Variants in GRK4 observed in about 807,000 individuals in gnomAD.
GRK4 encodes the protein G protein-coupled receptor kinase 4.
GRK4 carries 73 observed loss-of-function variants against 77.9 expected under a neutral mutation model. The observed-to-expected ratio is 0.94, with a 90% confidence interval of 0.78 to 1.14. The LOEUF is 1.14. Among genes scored for constraint, GRK4 ranks in the 50% most tolerant of loss-of-function variants. The probability of loss-of-function intolerance (pLI) is 0.00; values close to 1 mark genes in which losing one functional copy is unlikely to be tolerated. For synonymous variants in GRK4, 257 were observed against 254.4 expected (o/e 1.01, Z -0.10); for missense variants, 729 against 700.2 (o/e 1.04, Z -0.46).
Position 2,964,106 on chromosome 4 carries a change from G to A in GRK4, c.36G>A (p.Leu12=), listed in dbSNP as rs1716578839. 1 of 1,606,476 alleles carries A rather than the reference G, an allele frequency of 6.2e-7. No homozygotes were observed. Among genetic ancestry groups the A allele is most frequent in the Non-Finnish European group, 8.5e-7 (1 of 1,178,372 alleles). ...ELENIVANSL[L]LKARQGGYGK... Reference sequence around the variant, plus strand: ...AGAACATCGTGGCCAACTCGCTGCTGCTGAAAGCGCGTCAAGGTGGGTGCG... The same window carrying A: ...AGAACATCGTGGCCAACTCGCTGCTACTGAAAGCGCGTCAAGGTGGGTGCG... The change falls in exon 1 of 16, where the codon CTG becomes CTA. Residue 12 remains leucine, a synonymous_variant. Transcript: ENST00000398052.
chr4:3,018,232 A>G (rs903350518), intron 8 of GRK4, among the ~76,000 whole-genome samples: 1 of 152,090 alleles, frequency 6.6e-6, no homozygotes, highest in African/African-American at 2.4e-5. Flanking sequence ...TTTTCGAACA[A>G]CATCATTGTA....
At chr4:3,032,634 AGGGCCAGGT>A in intron 12 of GRK4, among the ~76,000 whole-genome samples, 1 of 152,276 alleles carries the variant, frequency 6.6e-6, no homozygotes, top group Non-Finnish European at 1.5e-5. Context: ...CTTTGAAGTT[AGGGCCAGGT>A]GAGTCTCAGC....
At chr4:3,017,293 T>C (rs546784981) in intron 8 of GRK4, among the ~76,000 whole-genome samples, 1 of 152,244 alleles carries the variant, frequency 6.6e-6, no homozygotes, top group Non-Finnish European at 1.5e-5. Context: ...TTGCCCTTGG[T>C]CTCCCTCCCC....
chr4:2,972,060 C>T (rs1447035097), intron 1 of GRK4, among the ~76,000 whole-genome samples: 2 of 152,158 alleles, frequency 1.3e-5, no homozygotes, highest in Admixed American at 6.5e-5. Context: ...TAGGATGGGA[C>T]GAATTCAACC....
intron 10 of GRK4, among the ~76,000 whole-genome samples, chr4:3,023,588 T>G (rs934607414): frequency 6.6e-6 from 1 of 152,194 alleles, no homozygotes; most frequent in Non-Finnish European, 1.5e-5. Context: ...GAATTCTCAT[T>G]TAATGGAAGG....
chr4:2,984,468 A>C, intron 1 of GRK4, 45 bp from the exon 2 acceptor site: 1 of 1,071,888 alleles, frequency 9.3e-7, no homozygotes. Flanking sequence ...ATAATTGGAT[A>C]TTTCTGACTG....
At chr4:2,984,676 T>C (rs564652391) in intron 2 of GRK4, 68 bp downstream of exon 2, 1 of 741,282 alleles carries the variant, frequency 1.3e-6, no homozygotes, top group East Asian at 3.0e-5. Flanking sequence ...TAGATGTTAT[T>C]CTTTCTTGAG....
At chr4:3,015,413 C>T (rs111905528) in intron 8 of GRK4, among the ~76,000 whole-genome samples, 12 of 152,168 alleles carry the variant, frequency 7.9e-5, no homozygotes, top group African/African-American at 2.9e-4. Context: ...GGGCCGGGCG[C>T]GGTGGCTCAC....
chr4:2,981,733 G>A (rs926493867), intron 1 of GRK4, among the ~76,000 whole-genome samples: 4 of 152,240 alleles, frequency 2.6e-5, no homozygotes, highest in Non-Finnish European at 5.9e-5. Flanking sequence ...CCGGCTGTCA[G>A]GCTTCAGTCT....
In GRK4 at chr4:2,999,840, C is replaced by T. The variant is rs192579558; in HGVS notation, c.340-4391C>T. Among the ~76,000 whole-genome samples the T allele has an allele frequency of 1.4e-4, 22 of 152,200 alleles. No homozygotes were observed. In the East Asian group the frequency reaches 3.5e-3, roughly 24 times the overall value. On this transcript the variant is annotated intron_variant, in intron 4 of 15. Coordinates refer to ENST00000398052, the MANE Select transcript of GRK4 (RefSeq NM_182982.3). ...AAAGAACACTATCAAGAAGTGAAAACATAACCAACAGAATGGGGAAAAGGA... is the reference window on the plus strand; with the variant it reads ...AAAGAACACTATCAAGAAGTGAAAATATAACCAACAGAATGGGGAAAAGGA...
chr4:2,972,359 T>C (rs2471322), intron 1 of GRK4, among the ~76,000 whole-genome samples: 58,451 of 151,928 alleles, frequency 0.38, 12,020 homozygotes, highest in African/African-American at 0.51. Flanking sequence ...TACGTAGTAT[T>C]GACAGCATAG....
intron 12 of GRK4, 110 bp downstream of exon 12, chr4:3,029,519 G>C: frequency 1.2e-6 from 1 of 851,080 alleles, no homozygotes; most frequent in Non-Finnish European, 1.9e-6. Flanking sequence ...GCAAGTCCTG[G>C]TCACCCACCT....
At chr4:2,965,228 T>G (rs1193167551) in intron 1 of GRK4, 1 of 700,940 alleles carries the variant, frequency 1.4e-6, no homozygotes, top group African/African-American at 1.7e-5. Context: ...TTTTCACCCA[T>G]GCTGGTCTCT....
At chr4:2,992,643 C>G (rs1445250423) in intron 4 of GRK4, among the ~76,000 whole-genome samples, 1 of 151,864 alleles carries the variant, frequency 6.6e-6, no homozygotes, top group Non-Finnish European at 1.5e-5. Context: ...GGTCATGCCA[C>G]TGCATTCTAG....
intron 1 of GRK4, among the ~76,000 whole-genome samples, chr4:2,976,631 C>CCT (rs1721249186): frequency 8.5e-6 from 1 of 117,352 alleles, no homozygotes; most frequent in Non-Finnish European, 1.8e-5. Flanking sequence ...TTCTTTCTTT[C>CCT]TTTTTTTTTT....
At position 3,011,823 on chromosome 4, in the gene GRK4, C is replaced by T. The variant is rs551053643; in HGVS notation, c.601-1865C>T. Reference sequence around the variant, plus strand: ...TCTTTCGCTTATGCTTGAAGTCCTCCGAAATGAATTTGTAGGGTCCTGAGT... The same window carrying T: ...TCTTTCGCTTATGCTTGAAGTCCTCTGAAATGAATTTGTAGGGTCCTGAGT... On this transcript the variant is annotated intron_variant, in intron 7 of 15. Transcript: ENST00000398052. 5.9e-5 allele frequency among the ~76,000 whole-genome samples: 9 copies of T among 152,290 alleles called. No homozygotes were observed. The South Asian group carries it at 1.9e-3, about 32-fold the overall frequency.
intron 1 of GRK4, among the ~76,000 whole-genome samples, chr4:2,973,028 C>T (rs576938920): frequency 2.0e-5 from 3 of 152,214 alleles, no homozygotes; most frequent in Non-Finnish European, 4.4e-5. Context: ...AGCCACTGCA[C>T]CTGGCCTTGT....
At chr4:3,001,520 C>T (rs1326039993) in intron 4 of GRK4, among the ~76,000 whole-genome samples, 12 of 151,744 alleles carry the variant, frequency 7.9e-5, no homozygotes, top group African/African-American at 2.9e-4. Flanking sequence ...GTGCCTGCCA[C>T]CATGCCCAGC....
chr4:2,988,926 T>C, intron 3 of GRK4, 87 bp downstream of exon 3: 2 of 807,912 alleles, frequency 2.5e-6, no homozygotes, highest in Non-Finnish European at 4.3e-6. Flanking sequence ...TAGCTCATGC[T>C]GTAATCCCAG....
Sources: gnomAD v4.1 joint callset for allele counts (sites outside exome capture counted in the v4.1 genomes callset) on GRCh38, gnomAD v4.1.1 for gene constraint, MANE v1.5 for transcripts, NCBI Gene and HGNC (gene_info 2026-07-23, HGNC 2026-07-21) for gene names.